The following CDK6 variants were observed in gnomAD, a reference collection of about 807,000 sequenced individuals.
The protein encoded by CDK6 is cyclin-dependent kinase 6.
A neutral mutation model predicts 37.1 loss-of-function variants in CDK6; 6 were observed. The observed-to-expected ratio is 0.16, with a 90% CI of 0.09 to 0.32. The LOEUF (loss-of-function observed/expected upper bound fraction) is 0.32. CDK6 is among the 10% of genes least tolerant of loss of function. The pLI is 1.00. For missense variants in CDK6, 224 were observed against 418.9 expected (o/e 0.53, Z 4.06); for synonymous variants, 160 against 161.3 (o/e 0.99, Z 0.06).
Position 92,816,983 on chromosome 7 carries a change from A to G in CDK6, c.233+16108T>C, listed in dbSNP as rs113006049. On this transcript the variant is annotated intron_variant, in intron 2 of 7. Transcript: ENST00000424848. ...AGGATAGACAAATCCCTTGAAAAAT[A>G]CAAAATTATAAAAGGTGATCTAACC... Among the ~76,000 whole-genome samples the G allele has an allele frequency of 1.2e-4, 19 of 152,120 alleles. 1 individual carries two copies. Among genetic ancestry groups the G allele is most frequent in the African/African-American group, 4.1e-4 (17 of 41,564 alleles).
intron 5 of CDK6, among the ~76,000 whole-genome samples, chr7:92,643,378 A>C (rs745804385): frequency 6.6e-6 from 1 of 152,218 alleles, no homozygotes; most frequent in Admixed American, 6.5e-5. Flanking sequence ...TCACTCATTC[A>C]GCACATTTGG....
chr7:92,710,564 A>G (rs961436906), intron 4 of CDK6: 2 of 258,838 alleles, frequency 7.7e-6, no homozygotes, highest in African/African-American at 4.6e-5. Context: ...ATTATTATTC[A>G]AGACACTTTG....
chr7:92,609,403 CTAAGT>C lies in CDK6; in HGVS notation c.*5732_*5736del, dbSNP rs1443828252. 1 of 230,324 alleles carries C rather than the reference CTAAGT, an allele frequency of 4.3e-6. No homozygotes were observed. The highest frequency in any genetic ancestry group is 2.2e-5 in the African/African-American group (1 of 44,994). 14.3% of individuals were successfully genotyped at this position (230,324 alleles called of 1,614,324 possible). On this transcript the variant is annotated 3_prime_UTR_variant, in exon 8 of 8. Coordinates refer to ENST00000424848, the MANE Select transcript of CDK6 (RefSeq NM_001145306.2). Reference sequence around the variant, plus strand: ...AAAAGTTAAGTATGTAGACACACTCCTAAGTTGTTATGCTCATATACTTCAGACTT... The same window carrying C: ...AAAAGTTAAGTATGTAGACACACTCCTGTTATGCTCATATACTTCAGACTT...
At chr7:92,684,438 A>G (rs1375040983) in intron 4 of CDK6, among the ~76,000 whole-genome samples, 1 of 152,194 alleles carries the variant, frequency 6.6e-6, no homozygotes, top group Non-Finnish European at 1.5e-5. Flanking sequence ...TTGAGGGATC[A>G]GGGTCATGGA....
At chr7:92,691,874 G>A (rs939483560) in intron 4 of CDK6, among the ~76,000 whole-genome samples, 8 of 152,248 alleles carry the variant, frequency 5.3e-5, no homozygotes, top group Non-Finnish European at 1.0e-4. Context: ...CTCATTAAAT[G>A]TAAGCGTAAA....
chr7:92,807,881 A>G (rs1488973120), intron 2 of CDK6, among the ~76,000 whole-genome samples: 1 of 152,170 alleles, frequency 6.6e-6, no homozygotes, highest in African/African-American at 2.4e-5. Context: ...TTATTAGGGT[A>G]CAATAAAGGA....
chr7:92,704,742 A>G (rs1320934261), intron 4 of CDK6, among the ~76,000 whole-genome samples: 1 of 152,138 alleles, frequency 6.6e-6, no homozygotes, highest in Non-Finnish European at 1.5e-5. Context: ...TCCTTTGTAT[A>G]TGAACAGTTG....
At chr7:92,665,358 A>T (rs907885290) in intron 5 of CDK6, among the ~76,000 whole-genome samples, 3 of 151,586 alleles carry the variant, frequency 2.0e-5, no homozygotes, top group Non-Finnish European at 4.4e-5. Context: ...ATTTATAACA[A>T]TTTTTTTTTA....
intron 2 of CDK6, among the ~76,000 whole-genome samples, chr7:92,775,245 G>A (rs1212413635): frequency 6.6e-6 from 1 of 152,226 alleles, no homozygotes; most frequent in African/African-American, 2.4e-5. Context: ...TGGAGATGCT[G>A]AATGTTGTAA....
chr7:92,625,006 T>C (rs1321240638), intron 5 of CDK6, among the ~76,000 whole-genome samples: 1 of 152,096 alleles, frequency 6.6e-6, no homozygotes, highest in East Asian at 1.9e-4. Flanking sequence ...AAGGGTCTGT[T>C]TGGCGATGGA....
At chr7:92,748,444 A>T (rs901234950) in intron 3 of CDK6, among the ~76,000 whole-genome samples, 8 of 152,228 alleles carry the variant, frequency 5.3e-5, no homozygotes, top group African/African-American at 1.9e-4. Context: ...TTCTATGATC[A>T]GTTGAAAAGC....
intron 4 of CDK6, among the ~76,000 whole-genome samples, chr7:92,717,439 A>AAGG (rs1562945233): frequency 6.7e-6 from 1 of 149,470 alleles, no homozygotes; most frequent in African/African-American, 2.5e-5. Flanking sequence ...GGGAAGGAAG[A>AAGG]AAGGAAGGGA....
At position 92,607,098 on chromosome 7, in the gene CDK6, A is replaced by C. The variant is rs1394354772; in HGVS notation, c.*8042T>G. On this transcript the variant is annotated 3_prime_UTR_variant, in exon 8 of 8. Transcript: ENST00000424848. ...GAAGCATGGAAACTTGGACTTCTCC[A>C]TCTGACACGTTCTGGAAGCCTCAAG... is the stretch of plus-strand genomic sequence containing the variant. The C allele has an allele frequency of 8.6e-6, 2 of 233,516 alleles. No individual in the cohort carries two copies. The highest frequency in any genetic ancestry group is 4.4e-5 in the African/African-American group (2 of 45,344). The allele number at this position is 233,516 out of a possible 1,614,324, so 14.5% of individuals were successfully genotyped here. A position where few individuals can be genotyped will look rare whatever the true frequency, so the allele number is the denominator to read the frequency against.
At chr7:92,696,301 T>C (rs926858773) in intron 4 of CDK6, among the ~76,000 whole-genome samples, 3 of 152,176 alleles carry the variant, frequency 2.0e-5, no homozygotes, top group African/African-American at 7.2e-5. Flanking sequence ...CAGGCCAACT[T>C]AAAAAGCAGC....
chr7:92,801,603 A>G (rs909347825), intron 2 of CDK6, among the ~76,000 whole-genome samples: 1 of 151,902 alleles, frequency 6.6e-6, no homozygotes, highest in African/African-American at 2.4e-5. Flanking sequence ...CAAGAGAGAA[A>G]GAATATTCTC....
intron 3 of CDK6, among the ~76,000 whole-genome samples, chr7:92,761,288 C>T (rs1422106702): frequency 2.0e-5 from 3 of 152,022 alleles, no homozygotes; most frequent in African/African-American, 7.2e-5. Flanking sequence ...TTAATAATAG[C>T]TCTCTCCTAC....
intron 5 of CDK6, among the ~76,000 whole-genome samples, chr7:92,642,624 A>G (rs956657990): frequency 2.0e-5 from 3 of 152,206 alleles, no homozygotes; most frequent in African/African-American, 4.8e-5. Flanking sequence ...CTGAACATGT[A>G]CAATGCAAAA....
At chr7:92,662,181 C>T (rs1348155532) in intron 5 of CDK6, among the ~76,000 whole-genome samples, 2 of 152,002 alleles carry the variant, frequency 1.3e-5, no homozygotes, top group Non-Finnish European at 2.9e-5. Context: ...GAGAATGCAT[C>T]CTTCTCAGAA....
intron 3 of CDK6, among the ~76,000 whole-genome samples, chr7:92,726,601 C>T (rs1042951113): frequency 6.6e-6 from 1 of 151,808 alleles, no homozygotes; most frequent in Non-Finnish European, 1.5e-5. Flanking sequence ...TGCAGAGATG[C>T]GATCTCACTA....
Sources: allele counts gnomAD v4.1 joint callset (sites outside exome capture counted in the v4.1 genomes callset), GRCh38; gene constraint gnomAD v4.1.1; transcripts MANE v1.5; gene names NCBI Gene and HGNC (gene_info 2026-07-23, HGNC 2026-07-21).